Variants in RB1 observed in about 807,000 individuals in gnomAD.
The protein encoded by RB1 is retinoblastoma-associated protein.
A neutral mutation model predicts 135.4 loss-of-function variants in RB1; 18 were observed. That is an observed-to-expected ratio of 0.13 (90% confidence interval 0.09 to 0.20). The LOEUF (loss-of-function observed/expected upper bound fraction) is 0.20, where lower values mean the gene tolerates loss of function less well. Ranked by LOEUF, RB1 falls within the 10% of genes least tolerant of loss-of-function variation. RB1 has a pLI of 1.00. For missense variants in RB1, 868 were observed against 1,110.0 expected (o/e 0.78, Z 3.10); for synonymous variants, 365 against 373.2 (o/e 0.98, Z 0.25).
chr13:48,413,794 A>T (rs1329698579), intron 17 of RB1, among the ~76,000 whole-genome samples: 1 of 152,126 alleles, frequency 6.6e-6, no homozygotes, highest in Non-Finnish European at 1.5e-5. Context: ...TGTGGTGTTA[A>T]TTTTACTTTC....
chr13:48,358,962 C>A (rs139768238), intron 6 of RB1, among the ~76,000 whole-genome samples: 1 of 152,122 alleles, frequency 6.6e-6, no homozygotes, highest in East Asian at 1.9e-4. Flanking sequence ...ATATTTTTTG[C>A]ACCATACCAT....
At chr13:48,479,822 T>C (rs1002797693) in intron 26 of RB1, among the ~76,000 whole-genome samples, 176 bp from the exon 27 acceptor site, 1 of 152,208 alleles carries the variant, frequency 6.6e-6, no homozygotes, top group African/African-American at 2.4e-5. Context: ...TATTTTGAAA[T>C]ATGCAGTAAA....
intron 2 of RB1, among the ~76,000 whole-genome samples, chr13:48,322,289 T>C (rs1952249419): frequency 6.6e-6 from 1 of 152,222 alleles, no homozygotes; most frequent in Non-Finnish European, 1.5e-5. Flanking sequence ...TACATTTTGT[T>C]TATCCACTTC....
At chr13:48,333,253 A>G in intron 2 of RB1, 1 of 390,572 alleles carries the variant, frequency 2.6e-6, no homozygotes, top group Non-Finnish European at 4.5e-6. Context: ...GAAACAGCAC[A>G]TGTCATATTT....
chr13:48,477,314 A>G (rs1949510026), intron 25 of RB1, 41 bp from the exon 26 acceptor site: 7 of 1,490,696 alleles, frequency 4.7e-6, no homozygotes, highest in Non-Finnish European at 6.5e-6. Context: ...TTTTCCATTT[A>G]TAAATACACA....
At position 48,334,724 on chromosome 13, in the gene RB1, T is replaced by G. The variant is rs117941632; in HGVS notation, c.265-7875T>G. Among the ~76,000 whole-genome samples, 279 of 152,314 alleles carry G rather than the reference T, an allele frequency of 1.8e-3. 11 individuals are homozygous for G. The East Asian group carries it at 0.043, about 23-fold the overall frequency. On this transcript the variant is annotated intron_variant, in intron 2 of 26. Transcript: ENST00000267163. ...TTCCAGGATGATTTATGTCACCACT[T>G]GGTGGAGCTCTTTTATAAGTAAGTG... is the stretch of plus-strand genomic sequence containing the variant.
At chr13:48,387,760 A>ATCC (rs1948581465) in intron 17 of RB1, among the ~76,000 whole-genome samples, 3 of 152,172 alleles carry the variant, frequency 2.0e-5, no homozygotes, top group Admixed American at 2.0e-4. Flanking sequence ...TAACTAAATT[A>ATCC]AGTTTTAATT....
At chr13:48,339,052 A>G (rs568516374) in intron 2 of RB1, among the ~76,000 whole-genome samples, 5 of 152,168 alleles carry the variant, frequency 3.3e-5, no homozygotes, top group South Asian at 2.1e-4. Flanking sequence ...TCAGAGGGGT[A>G]CTCAGCTGCG....
At chr13:48,363,969 G>A (rs1952668373) in intron 8 of RB1, among the ~76,000 whole-genome samples, 1 of 152,110 alleles carries the variant, frequency 6.6e-6, no homozygotes, top group South Asian at 2.1e-4. Flanking sequence ...AGTAAAAAAT[G>A]TTACATCTTT....
rs114526597 is a variant in RB1 at position 48,335,236 on chromosome 13, T to C, written c.265-7363T>C. Reference sequence around the variant, plus strand: ...ATTCCTTGAAACTGTTTTGGGTTTTTATATTATTCTATGATATAGCTCTAT... The same window carrying C: ...ATTCCTTGAAACTGTTTTGGGTTTTCATATTATTCTATGATATAGCTCTAT... On this transcript the variant is annotated intron_variant, in intron 2 of 26. Transcript: ENST00000267163. Among the ~76,000 whole-genome samples the C allele has an allele frequency of 2.1e-3, 323 of 152,294 alleles. 1 individual carries two copies. Among genetic ancestry groups the C allele is most frequent in the African/African-American group, 7.3e-3 (304 of 41,584 alleles).
chr13:48,337,819 A>G (rs1180611486), intron 2 of RB1, among the ~76,000 whole-genome samples: 3 of 152,154 alleles, frequency 2.0e-5, no homozygotes, highest in African/African-American at 7.2e-5. Context: ...GGCTGGTACC[A>G]GCTGTTCCTT....
chr13:48,456,049 C>T (rs1164396617), intron 18 of RB1, among the ~76,000 whole-genome samples, 155 bp from the exon 19 acceptor site: 1 of 152,088 alleles, frequency 6.6e-6, no homozygotes, highest in East Asian at 1.9e-4. Flanking sequence ...AGCAGTTTTC[C>T]TATTAATATA....
At chr13:48,472,559 A>G (rs1949477914) in intron 23 of RB1, among the ~76,000 whole-genome samples, 1 of 152,142 alleles carries the variant, frequency 6.6e-6, no homozygotes, top group Non-Finnish European at 1.5e-5. Context: ...GGTGATAATG[A>G]TGGCTACTTG....
chr13:48,306,996 C>T (rs1952086153), intron 1 of RB1, among the ~76,000 whole-genome samples: 1 of 152,182 alleles, frequency 6.6e-6, no homozygotes, highest in Non-Finnish European at 1.5e-5. Context: ...ATTACATTTA[C>T]TTTCCTTCAC....
Position 48,437,457 on chromosome 13 carries a change from G to A in RB1, c.1696-15536G>A, listed in dbSNP as rs543355110. 2.0e-5 allele frequency among the ~76,000 whole-genome samples: 3 copies of A among 152,290 alleles called. No individual in the cohort carries two copies. In the South Asian group the frequency reaches 6.2e-4, roughly 32 times the overall value. ...TATCTCACACAAATTCTGAAAGTCG[G>A]GAAACTGGGAGTGGCTTTACTGTGT... On this transcript the variant is annotated intron_variant, in intron 17 of 26. Coordinates refer to ENST00000267163, the MANE Select transcript of RB1 (RefSeq NM_000321.3).
chr13:48,361,401 T>C (rs1335954482), intron 7 of RB1, among the ~76,000 whole-genome samples: 1 of 152,150 alleles, frequency 6.6e-6, no homozygotes, highest in East Asian at 1.9e-4. Flanking sequence ...TCCATGTACT[T>C]ATCATGTAAC....
In RB1 at chr13:48,309,774, T is replaced by A. The variant is rs75998571; in HGVS notation, c.264+2368T>A. On this transcript the variant is annotated intron_variant, in intron 2 of 26. Transcript: ENST00000267163. ...TATAGTAGTTAGGTTTCCAGCCTGG[T>A]TCACATAACTTATTTTTTTTTGTAC... is the stretch of plus-strand genomic sequence containing the variant. Among the ~76,000 whole-genome samples the A allele has an allele frequency of 5.3e-3, 801 of 152,348 alleles. 2 individuals are homozygous for A. The highest frequency in any genetic ancestry group is 0.018 in the African/African-American group (769 of 41,592).
At chr13:48,433,526 C>A (rs1949151448) in intron 17 of RB1, among the ~76,000 whole-genome samples, 1 of 152,094 alleles carries the variant, frequency 6.6e-6, no homozygotes, top group African/African-American at 2.4e-5. Flanking sequence ...GAATTTCTGC[C>A]ACTAAATAAG....
chr13:48,420,684 C>A (rs570671793), intron 17 of RB1, among the ~76,000 whole-genome samples: 1 of 152,320 alleles, frequency 6.6e-6, no homozygotes, highest in South Asian at 2.1e-4. Flanking sequence ...GCAACTTCAG[C>A]AAAGTCTCAG....
Sources: gnomAD v4.1 joint callset for allele counts (sites outside exome capture counted in the v4.1 genomes callset) on GRCh38, gnomAD v4.1.1 for gene constraint, MANE v1.5 for transcripts, NCBI Gene and HGNC (gene_info 2026-07-23, HGNC 2026-07-21) for gene names.